Variants in KITLG observed in about 807,000 individuals in gnomAD.
KITLG encodes KIT ligand.
KITLG carries 13 observed loss-of-function variants against 34.1 expected under a neutral mutation model. That is an observed-to-expected ratio of 0.38 (90% CI 0.25 to 0.61). The LOEUF is 0.61. KITLG is among the 20% of genes least tolerant of loss of function. The pLI is 0.60. For missense variants in KITLG, 292 were observed against 318.9 expected, an observed-to-expected ratio of 0.92 and a Z score of 0.64; for synonymous variants, 110 against 104.0, an observed-to-expected ratio of 1.06 and a Z score of -0.35.
At chr12:88,532,554 A>G in intron 2 of KITLG, 51 bp from the exon 3 acceptor site, 1 of 1,257,356 alleles carries the variant, frequency 8.0e-7, no homozygotes. Context: ...TACATCAATT[A>G]ATCATATTTG....
At chr12:88,514,056 T>A (rs1869372382) in intron 6 of KITLG, among the ~76,000 whole-genome samples, 1 of 151,612 alleles carries the variant, frequency 6.6e-6, no homozygotes, top group Non-Finnish European at 1.5e-5. Context: ...AATCTCAAAC[T>A]TTTTGACATC....
Position 88,518,727 on chromosome 12 carries a change from A to G in KITLG, c.333T>C (p.Leu111=). ...ATGAGTTTTCTTTCACGCACTCCAC[A>G]AGGTCATCCACTATATTCACAAGTT... is the stretch of plus-strand genomic sequence containing the variant. ...IDKLVNIVDD[L]VECVKENSSK... Residue 111 remains leucine, a synonymous_variant, in exon 4 of 10, where the codon CTT becomes CTC. Transcript: ENST00000644744. 2 of 1,613,552 alleles carry G rather than the reference A, an allele frequency of 1.2e-6. No individual in the cohort carries two copies. The highest frequency in any genetic ancestry group is 8.5e-7 in the Non-Finnish European group (1 of 1,179,592).
At chr12:88,532,215 C>G (rs7312704) in intron 3 of KITLG, among the ~76,000 whole-genome samples, 87 of 151,774 alleles carry the variant, frequency 5.7e-4, no homozygotes, top group African/African-American at 2.1e-3. Context: ...TAGTGAAGAA[C>G]AACTATACAG....
chr12:88,533,640 T>A (rs1204895620), intron 2 of KITLG, among the ~76,000 whole-genome samples: 1 of 152,178 alleles, frequency 6.6e-6, no homozygotes, highest in African/African-American at 2.4e-5. Flanking sequence ...CACCATTACA[T>A]CTTCAAGGGT....
intron 2 of KITLG, among the ~76,000 whole-genome samples, chr12:88,544,898 C>T (rs1870660270): frequency 6.6e-6 from 1 of 152,164 alleles, no homozygotes; most frequent in Non-Finnish European, 1.5e-5. Context: ...AACTTTTCAT[C>T]CTTTTCTCCA....
intron 6 of KITLG, 25 bp from the exon 7 acceptor site, chr12:88,507,162 G>A: frequency 1.5e-6 from 2 of 1,336,260 alleles, no homozygotes; most frequent in Non-Finnish European, 2.2e-6. Flanking sequence ...ACACACTGAT[G>A]AATACAGCAT....
chr12:88,545,815 G>T lies in KITLG; in HGVS notation c.66C>A (p.Leu22=). ...IYLQLLLFNP[L]VKTEGICRNR... ...TCCTGCAGATCCCTTCAGTTTTGAC[G>T]AGAGGATTAAATAGGAGCAGCTGAA... Residue 22 remains leucine, a synonymous_variant, in exon 2 of 10, where the codon CTC becomes CTA. Coordinates refer to ENST00000644744, the MANE Select transcript of KITLG (RefSeq NM_000899.5). 1 of 1,612,840 alleles carries T rather than the reference G, an allele frequency of 6.2e-7. No individual in the cohort carries two copies. Among genetic ancestry groups the T allele is most frequent in the Non-Finnish European group, 8.5e-7 (1 of 1,178,966 alleles).
In KITLG at chr12:88,522,885, C is replaced by T. The variant is rs183307782; in HGVS notation, c.193-4018G>A. ...GATATCTATGTTCTTTCTTATAGGG[C>T]CTAAAGCTAGTATCTACCCAGTGAG... On this transcript the variant is annotated intron_variant, in intron 3 of 9. Coordinates refer to ENST00000644744, the MANE Select transcript of KITLG (RefSeq NM_000899.5). Among the ~76,000 whole-genome samples the T allele has an allele frequency of 2.0e-5, 3 of 152,200 alleles. No homozygotes were observed. In the East Asian group the frequency reaches 5.8e-4, roughly 29 times the overall value.
intron 4 of KITLG, among the ~76,000 whole-genome samples, chr12:88,517,006 C>T (rs1467979420): frequency 2.0e-5 from 3 of 151,734 alleles, no homozygotes; most frequent in African/African-American, 7.2e-5. Context: ...CATCCTGTGA[C>T]TCAGAAATTC....
At chr12:88,518,095 C>T (rs1869517923) in intron 4 of KITLG, among the ~76,000 whole-genome samples, 1 of 152,106 alleles carries the variant, frequency 6.6e-6, no homozygotes, top group South Asian at 2.1e-4. Flanking sequence ...TGAATTCTGG[C>T]ATTGCCCCCA....
chr12:88,567,218 T>A (rs1871472598), intron 1 of KITLG, among the ~76,000 whole-genome samples: 1 of 152,180 alleles, frequency 6.6e-6, no homozygotes, highest in East Asian at 1.9e-4. Context: ...TTGTGTTAGA[T>A]CCCACTCTGA....
At position 88,516,323 on chromosome 12, in the gene KITLG, A is replaced by T; in HGVS notation, c.520+11T>A. 1 of 1,607,708 alleles carries T rather than the reference A, an allele frequency of 6.2e-7. No homozygotes were observed. Among genetic ancestry groups the T allele is most frequent in the Non-Finnish European group, 8.5e-7 (1 of 1,175,306 alleles). On this transcript the variant is annotated intron_variant, in intron 5 of 9. Coordinates refer to ENST00000644744, the MANE Select transcript of KITLG (RefSeq NM_000899.5). Reference sequence around the variant, plus strand: ...GTTTACATTTGAACTGGAAATGCTTACATGTCTTACCTTTCTCAGGACTTA... The same window carrying T: ...GTTTACATTTGAACTGGAAATGCTTTCATGTCTTACCTTTCTCAGGACTTA...
chr12:88,505,060 G>A (rs1869004711), intron 9 of KITLG, 99 bp downstream of exon 9: 1 of 637,990 alleles, frequency 1.6e-6, no homozygotes, highest in Non-Finnish European at 2.8e-6. Flanking sequence ...CATGGCACAT[G>A]TAAACATACG....
intron 4 of KITLG, among the ~76,000 whole-genome samples, chr12:88,516,845 A>T (rs1283856626): frequency 2.0e-5 from 3 of 151,188 alleles, no homozygotes; most frequent in African/African-American, 7.3e-5. Flanking sequence ...CTTTAGAAAA[A>T]AAAAAAAAAA....
chr12:88,520,680 C>CT (rs943675294), intron 3 of KITLG, among the ~76,000 whole-genome samples: 14 of 150,580 alleles, frequency 9.3e-5, no homozygotes, highest in African/African-American at 2.4e-4. Flanking sequence ...GTTCATTTTG[C>CT]TTTTTTTTTG....
chr12:88,547,987 G>A (rs1771161717), intron 1 of KITLG, among the ~76,000 whole-genome samples: 3 of 152,104 alleles, frequency 2.0e-5, no homozygotes, highest in Non-Finnish European at 2.9e-5. Flanking sequence ...GGTGTCAAAA[G>A]CTATGGGAAA....
intron 1 of KITLG, among the ~76,000 whole-genome samples, chr12:88,560,967 C>CAAAAAAAA (rs34851499): frequency 1.4e-3 from 80 of 58,040 alleles, no homozygotes; most frequent in African/African-American, 2.5e-3. Context: ...GACTCTGTCT[C>CAAAAAAAA]AAAAAAAAAA....
intron 1 of KITLG, among the ~76,000 whole-genome samples, chr12:88,552,261 G>A (rs1162509655): frequency 6.7e-6 from 1 of 149,138 alleles, no homozygotes; most frequent in African/African-American, 2.5e-5. Flanking sequence ...TGCAACCTCC[G>A]CCTCCCAGAT....
At chr12:88,504,942 A>G (rs1334373138) in intron 9 of KITLG, among the ~76,000 whole-genome samples, 2 of 138,192 alleles carry the variant, frequency 1.4e-5, no homozygotes, top group Admixed American at 1.6e-4. Flanking sequence ...GACACAGGGT[A>G]GGGAACACCA....
Sources: allele counts gnomAD v4.1 joint callset (sites outside exome capture counted in the v4.1 genomes callset), GRCh38; gene constraint gnomAD v4.1.1; transcripts MANE v1.5; gene names NCBI Gene and HGNC (gene_info 2026-07-23, HGNC 2026-07-21).